The following HDAC11 variants were observed in gnomAD, a reference collection of about 807,000 sequenced individuals.
The protein encoded by HDAC11 is histone deacetylase 11.
In HDAC11, 23 loss-of-function variants were observed where a neutral mutation model predicts 41.1. The ratio of observed to expected loss-of-function variants is 0.56; its 90% CI spans 0.40 to 0.79. The LOEUF (loss-of-function observed/expected upper bound fraction) is 0.79. Among genes scored for constraint, HDAC11 ranks in the 30% least tolerant of loss-of-function variants. HDAC11 has a pLI of 0.00. For missense variants in HDAC11, 402 were observed against 477.3 expected, an observed-to-expected ratio of 0.84 and a Z score of 1.47; for synonymous variants, 187 against 186.6, an observed-to-expected ratio of 1.00 and a Z score of -0.02.
chr3:13,487,989 A>G (rs918852849), intron 3 of HDAC11, among the ~76,000 whole-genome samples: 1 of 151,792 alleles, frequency 6.6e-6, no homozygotes, highest in African/African-American at 2.4e-5. Context: ...ATCACAGGTG[A>G]CATGTGGGAA....
intron 3 of HDAC11, 72 bp downstream of exon 3, chr3:13,483,636 G>A: frequency 8.0e-7 from 1 of 1,245,044 alleles, no homozygotes; most frequent in Non-Finnish European, 1.2e-6. Flanking sequence ...GCCAGAGGCA[G>A]GAGGTGACTC....
intron 3 of HDAC11, among the ~76,000 whole-genome samples, chr3:13,485,608 C>T (rs1200837419): frequency 1.3e-5 from 2 of 152,194 alleles, no homozygotes; most frequent in Non-Finnish European, 2.9e-5. Context: ...AGCCTGAAAG[C>T]AGCTTACTAT....
intron 3 of HDAC11, among the ~76,000 whole-genome samples, chr3:13,494,853 C>G (rs990997149): frequency 6.6e-6 from 1 of 152,166 alleles, no homozygotes; most frequent in African/African-American, 2.4e-5. Context: ...AGCCATGAGG[C>G]CCCTGCTGGG....
In HDAC11 at chr3:13,502,409, C is replaced by A; in HGVS notation, c.553-475C>A. 1 of 186,604 alleles carries A rather than the reference C, an allele frequency of 5.4e-6. No homozygotes were observed. The allele number at this position is 186,604 out of a possible 1,614,324, so 11.6% of individuals were successfully genotyped here. On this transcript the variant is annotated intron_variant, in intron 7 of 9. Coordinates refer to ENST00000295757, the MANE Select transcript of HDAC11 (RefSeq NM_024827.4). The surrounding 1 kb of genome is among the most constrained non-coding windows in gnomAD (Gnocchi z 4.1). ...GAGGGTTACCTCCTCCTCAGGACCC[C>A]TAATGAGGCCAGTGCCTCTGGTCAG...
chr3:13,496,673 A>T, intron 3 of HDAC11, 63 bp from the exon 4 acceptor site: 2 of 1,110,248 alleles, frequency 1.8e-6, no homozygotes, highest in Non-Finnish European at 2.7e-6. Flanking sequence ...CGGGGAACCA[A>T]TTTCTCACGG....
chr3:13,499,238 C>T (rs749505384), intron 5 of HDAC11, among the ~76,000 whole-genome samples: 1 of 152,160 alleles, frequency 6.6e-6, no homozygotes, highest in African/African-American at 2.4e-5. Flanking sequence ...GGCGCGATCT[C>T]GGCTCACCGC....
rs539587470 is a variant in HDAC11, at chr3:13,497,684, G to T, written c.370-829G>T. Among the ~76,000 whole-genome samples, 75 of 152,230 alleles carry T rather than the reference G, an allele frequency of 4.9e-4. 2 individuals are homozygous for T. In the South Asian group the frequency reaches 0.015, roughly 30 times the overall value. ...ATAGAGGAATGTTTCACATGCAAAT[G>T]TATGAGGATCTAACCCAGCCCTGGA... On this transcript the variant is annotated intron_variant, in intron 4 of 9. Coordinates refer to ENST00000295757, the MANE Select transcript of HDAC11 (RefSeq NM_024827.4).
chr3:13,481,186 A>C, intron 1 of HDAC11, 60 bp from the exon 2 acceptor site: 1 of 1,555,098 alleles, frequency 6.4e-7, no homozygotes, highest in Non-Finnish European at 8.7e-7. Context: ...CGGGCTCGGG[A>C]GGGAGCTGCT....
intron 2 of HDAC11, among the ~76,000 whole-genome samples, chr3:13,482,106 C>T (rs1172703588): frequency 1.3e-5 from 2 of 152,314 alleles, no homozygotes; most frequent in Middle Eastern, 3.4e-3. Flanking sequence ...AACACAGTTA[C>T]AAGAGGCGGA....
At position 13,504,122 on chromosome 3, in the gene HDAC11, G is replaced by T. The variant is rs763886026; in HGVS notation, c.678G>T (p.Glu226Asp). ...CCATCAGGCGGAAGGTGGAGCTGGA[G>T]TGGGGCACAGAGGATGATGAGTACC... is the stretch of plus-strand genomic sequence containing the variant. Reference protein sequence around the residue: ...KQAIRRKVELEWGTEDDEYLD... With the variant: ...KQAIRRKVELDWGTEDDEYLD... The change falls in exon 9 of 10, where the codon GAG (glutamate) becomes GAT (aspartate). Residue 226 changes from glutamate to aspartate, a missense_variant. Physicochemically the swap from Glu to Asp is conservative, Grantham distance 45. Coordinates refer to ENST00000295757, the MANE Select transcript of HDAC11 (RefSeq NM_024827.4). The T allele has an allele frequency of 9.9e-6, 16 of 1,613,976 alleles. 1 individual carries two copies. In the African/African-American group the frequency reaches 1.3e-4, roughly 13 times the overall value.
rs558125512 is a variant in HDAC11, at chr3:13,490,836, C to T, written c.253-5900C>T. Among the ~76,000 whole-genome samples, 759 of 148,754 alleles carry T rather than the reference C, an allele frequency of 5.1e-3. 9 individuals carry two copies. The highest frequency in any genetic ancestry group is 0.018 in the African/African-American group (711 of 40,286). On this transcript the variant is annotated intron_variant, in intron 3 of 9. Transcript: ENST00000295757. ...CATGATCTCGGCTCACTGCAACCTCCGCCTCCCAGGTTCAAGCGATTTTTC... is the reference window on the plus strand; with the variant it reads ...CATGATCTCGGCTCACTGCAACCTCTGCCTCCCAGGTTCAAGCGATTTTTC...
chr3:13,496,145 G>A (rs1486026936), intron 3 of HDAC11, among the ~76,000 whole-genome samples: 1 of 152,222 alleles, frequency 6.6e-6, no homozygotes. Context: ...CCTGATCTTA[G>A]TGCAGATACC....
At chr3:13,481,702 A>G (rs1701330013) in intron 2 of HDAC11, among the ~76,000 whole-genome samples, 1 of 152,124 alleles carries the variant, frequency 6.6e-6, no homozygotes, top group African/African-American at 2.4e-5. Flanking sequence ...GGAGGAGTCC[A>G]TTTCCTAAGG....
intron 6 of HDAC11, among the ~76,000 whole-genome samples, chr3:13,501,141 T>TAGC (rs1392660275): frequency 6.6e-6 from 1 of 152,188 alleles, no homozygotes; most frequent in Non-Finnish European, 1.5e-5. Context: ...ATGGTGCTGA[T>TAGC]AGCACCTGGC....
intron 3 of HDAC11, among the ~76,000 whole-genome samples, chr3:13,487,883 G>A (rs1011937539): frequency 3.9e-5 from 6 of 151,994 alleles, no homozygotes; most frequent in African/African-American, 1.2e-4. Flanking sequence ...GCTGAGTGTC[G>A]TGAAGAAAGG....
In HDAC11 at chr3:13,505,049, G is replaced by A. The variant is rs544016277; in HGVS notation, c.*366G>A. 204 of 314,248 alleles carry A rather than the reference G, an allele frequency of 6.5e-4. No individual in the cohort carries two copies. Among genetic ancestry groups the A allele is most frequent in the Non-Finnish European group, 1.1e-3 (182 of 163,302 alleles). The allele number at this position is 314,248 out of a possible 1,614,324, so 19.5% of individuals were successfully genotyped here. A position where few individuals can be genotyped will look rare whatever the true frequency, so the allele number is the denominator to read the frequency against. On this transcript the variant is annotated 3_prime_UTR_variant, in exon 10 of 10. Coordinates refer to ENST00000295757, the MANE Select transcript of HDAC11 (RefSeq NM_024827.4). ...GTTTTGAGAACGGCAGACCCAGGTC[G>A]GAGTGAGGAAGCTTCCACCTCCATC...
At chr3:13,503,990 G>A (rs965627207) in intron 8 of HDAC11, 104 bp from the exon 9 acceptor site, 1 of 1,086,022 alleles carries the variant, frequency 9.2e-7, no homozygotes, top group East Asian at 2.6e-5. Context: ...GAGCAGTGCT[G>A]AATCTGACAG....
rs3217603 is a variant in HDAC11 at position 13,496,863 on chromosome 3, T to TG, written c.369+18dup. On this transcript the variant is annotated intron_variant, in intron 4 of 9. Transcript: ENST00000295757. ...GGAGGAACCATAATGGTAGGTGGGG[T>TG]GGGGGGGCATGGCTGGGCTGGGGGC... 0.17 allele frequency: 177,917 copies of TG among 1,075,778 alleles called. 13,834 individuals are homozygous for TG. The highest frequency in any genetic ancestry group is 0.29 in the Middle Eastern group (1,368 of 4,722). 66.6% of individuals were successfully genotyped at this position (1,075,778 alleles called of 1,614,324 possible).
At chr3:13,492,082 C>A (rs7634112) in intron 3 of HDAC11, among the ~76,000 whole-genome samples, 26,922 of 152,208 alleles carry the variant, frequency 0.18, 2,526 homozygotes, top group East Asian at 0.32. Context: ...TTCAGATGAA[C>A]CCTGCAAGAG....
Sources: allele counts gnomAD v4.1 joint callset (sites outside exome capture counted in the v4.1 genomes callset), GRCh38; gene constraint gnomAD v4.1.1; non-coding constraint Gnocchi (gnomAD v3.1); transcripts MANE v1.5; gene names NCBI Gene and HGNC (gene_info 2026-07-23, HGNC 2026-07-21).